The following C16orf78 variants were observed in gnomAD, a reference collection of about 807,000 sequenced individuals.
C16orf78 encodes chromosome 16 open reading frame 78, also known as uncharacterized protein C16orf78.
A neutral mutation model predicts 27.3 loss-of-function variants in C16orf78; 19 were observed. The observed-to-expected ratio is 0.70, with a 90% confidence interval of 0.49 to 1.02. The LOEUF (loss-of-function observed/expected upper bound fraction) is 1.02, where lower values mean the gene tolerates loss of function less well. C16orf78 is among the 50% of genes least tolerant of loss of function. C16orf78 has a pLI of 0.00. For synonymous variants in C16orf78, 130 were observed against 116.1 expected (o/e 1.12, Z -0.77); for missense variants, 339 against 337.0 (o/e 1.01, Z -0.05).
intron 3 of C16orf78, among the ~76,000 whole-genome samples, chr16:49,386,916 T>G (rs1187427512): frequency 6.6e-6 from 1 of 152,206 alleles, no homozygotes; most frequent in African/African-American, 2.4e-5. Context: ...TATGTGTGCA[T>G]GTGTCTTTAT....
At chr16:49,375,453 A>G (rs1388370635) in intron 1 of C16orf78, among the ~76,000 whole-genome samples, 1 of 152,222 alleles carries the variant, frequency 6.6e-6, no homozygotes, top group Non-Finnish European at 1.5e-5. Context: ...AGGAGCAGGC[A>G]CTTCACATGG....
At chr16:49,395,683 C>A (rs1234057908) in intron 3 of C16orf78, among the ~76,000 whole-genome samples, 2 of 152,166 alleles carry the variant, frequency 1.3e-5, no homozygotes, top group African/African-American at 4.8e-5. Context: ...CCTCTGCCTG[C>A]GATCCTTTCC....
rs546835473 is a variant in C16orf78, at chr16:49,386,460, A to G, written c.394+7867A>G. The stretch of plus-strand genomic sequence containing the variant: ...GTGGGACCACAAGTCATTTTTTTTT[A>G]AGTGCAGTGGTACATGTGCAGATTT... On this transcript the variant is annotated intron_variant, in intron 3 of 4. Transcript: ENST00000299191. 8.5e-4 allele frequency among the ~76,000 whole-genome samples: 129 copies of G among 152,216 alleles called. 1 individual carries two copies. The highest frequency in any genetic ancestry group is 3.4e-3 in the Middle Eastern group (1 of 294).
At chr16:49,379,640 C>T (rs1266311389) in intron 3 of C16orf78, among the ~76,000 whole-genome samples, 2 of 152,172 alleles carry the variant, frequency 1.3e-5, no homozygotes, top group Admixed American at 1.3e-4. Flanking sequence ...AGGGGCATTA[C>T]TGGCGAAATC....
chr16:49,396,696 C>A lies in C16orf78; in HGVS notation c.650+18C>A. On this transcript the variant is annotated intron_variant, in intron 4 of 4. Transcript: ENST00000299191. ...AGCTGCCGGTGAGAGCTGCCACCCC[C>A]TGGGCAGATGGGGTGGGGTCCTGGA... 6.2e-7 allele frequency: 1 copy of A among 1,601,090 alleles called. No homozygotes were observed. Among genetic ancestry groups the A allele is most frequent in the South Asian group, 1.1e-5 (1 of 90,618 alleles).
At position 49,373,814 on chromosome 16, in the gene C16orf78, T is replaced by G. The variant is rs1965183194; in HGVS notation, c.-126T>G. ...CCAGGGTCTTGGCTCACTCTGCCCT[T>G]TATGTTCACATCTGGAGGCCACACC... On this transcript the variant is annotated 5_prime_UTR_variant, in exon 1 of 5. Transcript: ENST00000299191. The G allele has an allele frequency of 1.7e-6, 2 of 1,186,248 alleles. No homozygotes were observed. Among genetic ancestry groups the G allele is most frequent in the South Asian group, 1.5e-5 (1 of 67,030 alleles). 73.5% of individuals were successfully genotyped at this position (1,186,248 alleles called of 1,614,324 possible). A position where few individuals can be genotyped will look rare whatever the true frequency, so the allele number is the denominator to read the frequency against.
intron 1 of C16orf78, 127 bp downstream of exon 1, chr16:49,374,216 T>A: frequency 8.7e-7 from 1 of 1,150,546 alleles, no homozygotes; most frequent in Non-Finnish European, 1.2e-6. Flanking sequence ...GATAAGCTAG[T>A]GAGAACTACC....
Position 49,373,962 on chromosome 16 carries a change from T to C in C16orf78, c.23T>C (p.Leu8Pro), listed in dbSNP as rs1469797979. The change falls in exon 1 of 5, where the codon CTG becomes CCG. Residue 8 changes from leucine (L) to proline (P), a missense_variant. By Grantham distance (98) the Leu-to-Pro change is moderately conservative (BLOSUM62 -3). Transcript: ENST00000299191. ...ACAATGTCAGAGCAACAAATGGACC[T>C]GAAGGATTTAATGCCCACAAAGAGG... The part of the protein sequence containing the change: MSEQQMD[L>P]KDLMPTKRKY... The C allele has an allele frequency of 1.2e-6, 2 of 1,614,124 alleles. No individual in the cohort carries two copies. The highest frequency in any genetic ancestry group is 1.7e-4 in the Middle Eastern group (1 of 6,060).
intron 1 of C16orf78, among the ~76,000 whole-genome samples, chr16:49,377,296 C>G (rs956209086): frequency 6.6e-6 from 1 of 152,034 alleles, no homozygotes; most frequent in African/African-American, 2.4e-5. Context: ...AGGGAGAGGC[C>G]GGGGTGAGCA....
rs562450104 is a variant in C16orf78, at chr16:49,385,197, AAAAC to A, written c.394+6608_394+6611del. 6.6e-5 allele frequency among the ~76,000 whole-genome samples: 10 copies of A among 152,100 alleles called. No homozygotes were observed. In the East Asian group the frequency reaches 1.9e-3, roughly 29 times the overall value. ...CTTTCAACTCTAGTATAAAAGCTAAAAAACAAATGTATTAAAATTAACTATAACT... is the reference window on the plus strand; with the variant it reads ...CTTTCAACTCTAGTATAAAAGCTAAAAAATGTATTAAAATTAACTATAACT... On this transcript the variant is annotated intron_variant, in intron 3 of 4. Transcript: ENST00000299191.
intron 3 of C16orf78, among the ~76,000 whole-genome samples, chr16:49,395,997 C>G (rs1965467397): frequency 6.6e-6 from 1 of 152,150 alleles, no homozygotes; most frequent in South Asian, 2.1e-4. Context: ...AATCCCAGCA[C>G]TTTGGGAGGC....
chr16:49,378,342 G>T (rs1368225553), intron 2 of C16orf78, 128 bp from the exon 3 acceptor site: 2 of 1,369,854 alleles, frequency 1.5e-6, no homozygotes, highest in Admixed American at 2.7e-5. Context: ...GCCCGGGGAA[G>T]CTCTCTCCTT....
chr16:49,394,039 T>C (rs1031551103), intron 3 of C16orf78, among the ~76,000 whole-genome samples: 6 of 152,106 alleles, frequency 3.9e-5, no homozygotes, highest in African/African-American at 1.4e-4. Context: ...AAAAATTGAA[T>C]AGGGCAATTT....
intron 3 of C16orf78, among the ~76,000 whole-genome samples, chr16:49,383,664 T>C (rs1257634595): frequency 6.6e-6 from 1 of 152,244 alleles, no homozygotes; most frequent in Admixed American, 6.5e-5. Context: ...GACTGCCACA[T>C]TGGCCTTCCT....
intron 3 of C16orf78, among the ~76,000 whole-genome samples, chr16:49,381,082 G>A (rs941845532): frequency 5.9e-5 from 9 of 151,982 alleles, no homozygotes; most frequent in African/African-American, 2.2e-4. Context: ...CTCCAGCTTT[G>A]TTCTTTTGGC....
intron 3 of C16orf78, among the ~76,000 whole-genome samples, chr16:49,388,293 G>A (rs1007225493): frequency 6.6e-6 from 1 of 152,118 alleles, no homozygotes; most frequent in Admixed American, 6.6e-5. Context: ...TCTTTTAGTT[G>A]TGATGTTAGG....
At chr16:49,395,205 T>C (rs1027863574) in intron 3 of C16orf78, among the ~76,000 whole-genome samples, 6 of 152,160 alleles carry the variant, frequency 3.9e-5, no homozygotes, top group Non-Finnish European at 5.9e-5. Context: ...CTGACAAATA[T>C]AGTTTTTAAA....
intron 3 of C16orf78, among the ~76,000 whole-genome samples, chr16:49,390,903 T>C (rs546043441): frequency 6.6e-6 from 1 of 152,332 alleles, no homozygotes; most frequent in South Asian, 2.1e-4. Context: ...CAAATGAAGG[T>C]TGGGGCAATC....
chr16:49,393,066 C>A (rs1485968833), intron 3 of C16orf78, among the ~76,000 whole-genome samples: 1 of 152,174 alleles, frequency 6.6e-6, no homozygotes, highest in Admixed American at 6.5e-5. Flanking sequence ...GCCTCCCCAG[C>A]CATGTGGAAC....
Sources: allele counts gnomAD v4.1 joint callset (sites outside exome capture counted in the v4.1 genomes callset), GRCh38; gene constraint gnomAD v4.1.1; transcripts MANE v1.5; gene names NCBI Gene and HGNC (gene_info 2026-07-23, HGNC 2026-07-21).